Variants in WWOX observed in about 807,000 individuals in gnomAD.
WWOX encodes WW domain containing oxidoreductase, also known as WW domain-containing oxidoreductase.
In WWOX, 69 loss-of-function variants were observed where a neutral mutation model predicts 46.2. That is an observed-to-expected ratio of 1.49 (90% CI 1.23 to 1.82). WWOX has a LOEUF of 1.82. Among genes scored for constraint, WWOX ranks in the 40% most tolerant of loss-of-function variants. The pLI, the probability that WWOX is intolerant of heterozygous loss-of-function variation, is 0.00. For missense variants in WWOX, 919 were observed against 542.6 expected, an observed-to-expected ratio of 1.69 and a Z score of -6.89; for synonymous variants, 359 against 202.6, an observed-to-expected ratio of 1.77 and a Z score of -6.56.
chr16:78,934,588 C>G (rs1187380089), intron 8 of WWOX, among the ~76,000 whole-genome samples: 1 of 151,006 alleles, frequency 6.6e-6, no homozygotes, highest in African/African-American at 2.4e-5. Context: ...AAGCTAGCAT[C>G]TGTTTTTACC....
Position 78,884,965 on chromosome 16 carries a change from C to A in WWOX, c.1057-326643C>A, listed in dbSNP as rs144741344. On this transcript the variant is annotated intron_variant, in intron 8 of 8. Coordinates refer to ENST00000566780, the MANE Select transcript of WWOX (RefSeq NM_016373.4). ...ATGTTACCCAGTCATTAATGCATAC[C>A]CTCTGAGACCCCACCAAGCCATCTA... Among the ~76,000 whole-genome samples the A allele has an allele frequency of 4.7e-3, 722 of 152,194 alleles. 13 individuals are homozygous for A. The highest frequency in any genetic ancestry group is 0.017 in the African/African-American group (690 of 41,524).
intron 5 of WWOX, among the ~76,000 whole-genome samples, chr16:78,185,925 G>A (rs1436626159): frequency 2.6e-5 from 4 of 152,096 alleles, no homozygotes; most frequent in African/African-American, 4.8e-5. Context: ...CTCGGCCTCC[G>A]AAAGCGTTGG....
At chr16:78,723,325 A>G (rs756564068) in intron 8 of WWOX, among the ~76,000 whole-genome samples, 1 of 152,288 alleles carries the variant, frequency 6.6e-6, no homozygotes, top group South Asian at 2.1e-4. Flanking sequence ...CCTTGGGGTC[A>G]GTGTCTGTCA....
chr16:79,176,978 A>G (rs1426697803), intron 8 of WWOX, among the ~76,000 whole-genome samples: 3 of 152,102 alleles, frequency 2.0e-5, no homozygotes, highest in Non-Finnish European at 4.4e-5. Flanking sequence ...ATGGAGTACA[A>G]TGAATAGATG....
chr16:78,371,005 G>GTTTTTTTTTT (rs2081669565), intron 5 of WWOX, among the ~76,000 whole-genome samples: 1 of 114,236 alleles, frequency 8.8e-6, no homozygotes, highest in Non-Finnish European at 1.9e-5. Flanking sequence ...TTACTTGTTT[G>GTTTTTTTTTT]TCCTTTCTTT....
At chr16:79,034,076 G>C (rs1597306762) in intron 8 of WWOX, among the ~76,000 whole-genome samples, 1 of 152,288 alleles carries the variant, frequency 6.6e-6, no homozygotes, top group East Asian at 1.9e-4. Context: ...GGTCTGTGTG[G>C]GCTGGTGGTA....
chr16:78,607,655 T>G (rs923471760), intron 8 of WWOX, among the ~76,000 whole-genome samples: 3 of 151,614 alleles, frequency 2.0e-5, no homozygotes, highest in African/African-American at 7.2e-5. Flanking sequence ...TTTTTTTTTT[T>G]TTTGGCTGTC....
At chr16:78,261,905 T>C (rs2079252589) in intron 5 of WWOX, among the ~76,000 whole-genome samples, 1 of 149,584 alleles carries the variant, frequency 6.7e-6, no homozygotes, top group Admixed American at 6.7e-5. Context: ...AAATTGACTG[T>C]GTAAGTTAAA....
At chr16:78,953,306 G>A (rs1483629361) in intron 8 of WWOX, among the ~76,000 whole-genome samples, 1 of 150,764 alleles carries the variant, frequency 6.6e-6, no homozygotes, top group Non-Finnish European at 1.5e-5. Flanking sequence ...ATAGTGGGGG[G>A]TGGGGGGCAT....
At chr16:78,689,227 C>T (rs565510322) in intron 8 of WWOX, among the ~76,000 whole-genome samples, 3 of 152,322 alleles carry the variant, frequency 2.0e-5, no homozygotes, top group African/African-American at 7.2e-5. Context: ...TTGAGAAATG[C>T]TGTTCAAGCC....
intron 6 of WWOX, among the ~76,000 whole-genome samples, chr16:78,396,960 C>G (rs1458708008): frequency 1.3e-5 from 2 of 152,124 alleles, no homozygotes; most frequent in Non-Finnish European, 2.9e-5. Context: ...GGCCCAGAGA[C>G]CCTTTAAATG....
At chr16:79,179,741 G>C (rs1016718099) in intron 8 of WWOX, among the ~76,000 whole-genome samples, 2 of 152,196 alleles carry the variant, frequency 1.3e-5, no homozygotes. Flanking sequence ...GTAGATGTTT[G>C]AATGGGAAAG....
rs185623349 is a variant in WWOX at position 78,884,382 on chromosome 16, T to C, written c.1057-327226T>C. On this transcript the variant is annotated intron_variant, in intron 8 of 8. Transcript: ENST00000566780. ...TACAAGAGTGTGTTTAGCAGCATTA[T>C]TCATTATAACACACTGAATCATTAT... 5.3e-4 allele frequency among the ~76,000 whole-genome samples: 80 copies of C among 152,160 alleles called. 1 individual carries two copies. In the East Asian group the frequency reaches 0.015, roughly 28 times the overall value.
intron 8 of WWOX, among the ~76,000 whole-genome samples, chr16:78,781,005 C>T (rs932973501): frequency 6.6e-6 from 1 of 152,132 alleles, no homozygotes; most frequent in African/African-American, 2.4e-5. Context: ...GAAGGAGTGC[C>T]GTGACTCCTC....
At chr16:79,107,701 G>A in intron 8 of WWOX, among the ~76,000 whole-genome samples, 1 of 152,216 alleles carries the variant, frequency 6.6e-6, no homozygotes, top group East Asian at 1.9e-4. Context: ...AATTTTTCTT[G>A]AAAATGTTCA....
At chr16:78,303,154 C>G (rs922413320) in intron 5 of WWOX, among the ~76,000 whole-genome samples, 2 of 152,156 alleles carry the variant, frequency 1.3e-5, no homozygotes, top group African/African-American at 4.8e-5. Flanking sequence ...TTATTCTTAA[C>G]TACATTTTAT....
At chr16:78,998,501 T>C (rs531413092) in intron 8 of WWOX, among the ~76,000 whole-genome samples, 1 of 152,178 alleles carries the variant, frequency 6.6e-6, no homozygotes, top group Admixed American at 6.5e-5. Context: ...ACAGAGGGGA[T>C]TGGCCACACC....
chr16:78,548,168 A>ATTC (rs2044088272), intron 8 of WWOX, among the ~76,000 whole-genome samples: 1 of 71,588 alleles, frequency 1.4e-5, no homozygotes, highest in Non-Finnish European at 3.6e-5. Flanking sequence ...AAAAAAAAAA[A>ATTC]AAAAAAAAAA....
chr16:78,310,239 A>T (rs1463447640), intron 5 of WWOX, among the ~76,000 whole-genome samples: 1 of 152,126 alleles, frequency 6.6e-6, no homozygotes, highest in East Asian at 1.9e-4. Context: ...CTACACACAC[A>T]ACCCACTGAA....
Sources: gnomAD v4.1 joint callset for allele counts (sites outside exome capture counted in the v4.1 genomes callset) on GRCh38, gnomAD v4.1.1 for gene constraint, MANE v1.5 for transcripts, NCBI Gene and HGNC (gene_info 2026-07-23, HGNC 2026-07-21) for gene names.